KCNJ8: variants seen among roughly 807,000 people sequenced by gnomAD.
KCNJ8 encodes the protein potassium inwardly rectifying channel subfamily J member 8, also known as ATP-sensitive inward rectifier potassium channel 8.
KCNJ8 carries 13 observed loss-of-function variants against 28.2 expected under a neutral mutation model. The observed-to-expected ratio is 0.46, with a 90% confidence interval of 0.30 to 0.73. KCNJ8 has a LOEUF of 0.73. Ranked by LOEUF, KCNJ8 falls within the 30% of genes least tolerant of loss-of-function variation. The pLI, the probability that KCNJ8 is intolerant of heterozygous loss-of-function variation, is 0.07. For missense variants in KCNJ8, 284 were observed against 542.6 expected (o/e 0.52, Z 4.73); for synonymous variants, 188 against 195.9 (o/e 0.96, Z 0.34).
rs1336060963 is a variant in KCNJ8, at chr12:21,765,820, C to T, written c.1178G>A (p.Arg393Lys). Residue 393 changes from arginine (R) to lysine (K), a missense_variant, in exon 3 of 3, where the codon AGG becomes AAG. Around this residue, in one of 8 missense-constraint regions of KCNJ8, gnomAD observed 50 missense variants for 55.9 expected, o/e 0.90. Coordinates refer to ENST00000240662, the MANE Select transcript of KCNJ8 (RefSeq NM_004982.4). ...RNSMRRNNSM[R>K]RNNSIRRNNS... Reference sequence around the variant, plus strand: ...GTTCCTTCGGATAGAATTGTTCCTCCTCATGGAATTGTTTCTTCTCATGGA... The same window carrying T: ...GTTCCTTCGGATAGAATTGTTCCTCTTCATGGAATTGTTTCTTCTCATGGA... The T allele has an allele frequency of 1.2e-6, 2 of 1,613,908 alleles. No individual in the cohort carries two copies. Among genetic ancestry groups the T allele is most frequent in the Non-Finnish European group, 1.7e-6 (2 of 1,179,934 alleles).
intron 1 of KCNJ8, among the ~76,000 whole-genome samples, chr12:21,774,138 T>G (rs1940832025): frequency 6.6e-6 from 1 of 152,184 alleles, no homozygotes; most frequent in South Asian, 2.1e-4. Flanking sequence ...TCCTCCGTTA[T>G]TTTTAGAAGT....
chr12:21,771,292 T>C (rs1940749370), intron 2 of KCNJ8, among the ~76,000 whole-genome samples: 1 of 152,188 alleles, frequency 6.6e-6, no homozygotes, highest in South Asian at 2.1e-4. Flanking sequence ...ATTCTAAATA[T>C]TACATATGGT....
At position 21,773,216 on chromosome 12, in the gene KCNJ8, C is replaced by A. The variant is rs1477927935; in HGVS notation, c.374+27G>T. The A allele has an allele frequency of 1.2e-6, 2 of 1,610,874 alleles. No individual in the cohort carries two copies. The highest frequency in any genetic ancestry group is 1.3e-5 in the African/African-American group (1 of 75,014). On this transcript the variant is annotated intron_variant, in intron 2 of 2. Coordinates refer to ENST00000240662, the MANE Select transcript of KCNJ8 (RefSeq NM_004982.4). This position sits in a 1 kb window ranked among gnomAD's most constrained non-coding sequence, Gnocchi z 4.6. ...ACATTTTTTCTCTACTGTTTTCAAC[C>A]CCTGCCTCATCCCACTACATTCTTA...
rs527967608 is a variant in KCNJ8 at position 21,765,360 on chromosome 12, G to A, written c.*363C>T. 4.3e-4 allele frequency: 147 copies of A among 343,554 alleles called. No homozygotes were observed. The highest frequency in any genetic ancestry group is 9.1e-4 in the Admixed American group (21 of 23,048). The allele number at this position is 343,554 out of a possible 1,614,324, so 21.3% of individuals were successfully genotyped here. A position where few individuals can be genotyped will look rare whatever the true frequency, so the allele number is the denominator to read the frequency against. On this transcript the variant is annotated 3_prime_UTR_variant, in exon 3 of 3. Transcript: ENST00000240662. ...GATCATTAGTAACACAGCGATCTGG[G>A]TTTCACCAACTAAGCATTTCAAACA...
intron 1 of KCNJ8, among the ~76,000 whole-genome samples, chr12:21,774,274 C>T (rs1940834578): frequency 6.7e-6 from 1 of 149,880 alleles, no homozygotes; most frequent in Admixed American, 6.7e-5. Flanking sequence ...GTATGAGTTG[C>T]ATCTAAAAAG....
rs753656813 is a variant in KCNJ8 at position 21,766,639 on chromosome 12, T to C, written c.375-16A>G. ...AGTGAAAGACCTGTGAGGAATGATA[T>C]CAGAAAAGAACACCATCAGGTCACA... On this transcript the variant is annotated splice_polypyrimidine_tract_variant and intron_variant, in intron 2 of 2. Coordinates refer to ENST00000240662, the MANE Select transcript of KCNJ8 (RefSeq NM_004982.4). The surrounding 1 kb of genome is among the most constrained non-coding windows in gnomAD (Gnocchi z 6.5). 1.3e-6 allele frequency: 2 copies of C among 1,586,396 alleles called. No individual in the cohort carries two copies. Among genetic ancestry groups the C allele is most frequent in the Admixed American group, 1.7e-5 (1 of 59,902 alleles).
intron 2 of KCNJ8, among the ~76,000 whole-genome samples, chr12:21,767,319 C>A (rs946101776): frequency 5.0e-5 from 6 of 120,646 alleles, no homozygotes; most frequent in East Asian, 2.3e-4. Flanking sequence ...CCCCCCCCCC[C>A]CCCACCTCCA....
rs1940816689 is a variant in KCNJ8 at position 21,773,721 on chromosome 12, ACCC to A, written c.-70-38_-70-36del. The A allele has an allele frequency of 2.6e-6, 4 of 1,513,986 alleles. No homozygotes were observed. The highest frequency in any genetic ancestry group is 3.6e-6 in the Non-Finnish European group (4 of 1,104,984). The allele number at this position is 1,513,986 out of a possible 1,614,324, so 93.8% of individuals were successfully genotyped here. On this transcript the variant is annotated intron_variant, in intron 1 of 2. Transcript: ENST00000240662. This position sits in a 1 kb window ranked among gnomAD's most constrained non-coding sequence, Gnocchi z 4.6. ...GGAAACATTTATTAAAAACTTAAAA[ACCC>A]ACCCTATCCTCACCTCTTGGGTCCT... is the stretch of plus-strand genomic sequence containing the variant.
At chr12:21,770,599 T>C (rs2137050058) in intron 2 of KCNJ8, among the ~76,000 whole-genome samples, 1 of 152,338 alleles carries the variant, frequency 6.6e-6, no homozygotes, top group East Asian at 1.9e-4. Flanking sequence ...CTACTCCCTA[T>C]CTTAGTGAAT....
Position 21,773,580 on chromosome 12 carries a change from C to A in KCNJ8, c.37G>T (p.Val13Leu), listed in dbSNP as rs1222706161. ...TTCTCTGCGGCGATGCGCGCCAGCA[C>A]ATACTCCTCCGGGATGATACTCTTT... ...ARKSIIPEEY[V>L]LARIAAENLR... The change falls in exon 2 of 3, where the codon GTG becomes TTG. Residue 13 changes from valine to leucine, a missense_variant. By Grantham distance (32) the Val-to-Leu change is conservative. Coordinates refer to ENST00000240662, the MANE Select transcript of KCNJ8 (RefSeq NM_004982.4). The surrounding 1 kb of genome is among the most constrained non-coding windows in gnomAD (Gnocchi z 4.6). 6.2e-7 allele frequency: 1 copy of A among 1,613,828 alleles called. No homozygotes were observed. Among genetic ancestry groups the A allele is most frequent in the East Asian group, 2.2e-5 (1 of 44,896 alleles).
chr12:21,766,515 G>C lies in KCNJ8; in HGVS notation c.483C>G (p.Leu161=). Residue 161 remains leucine (L), a synonymous_variant, in exon 3 of 3, where the codon CTC becomes CTG. Transcript: ENST00000240662. This position sits in a 1 kb window ranked among gnomAD's most constrained non-coding sequence, Gnocchi z 6.5. ...ECPLAITVLI[L]QNIVGLIINA... ...TGATGATCAAACCCACAATATTCTG[G>C]AGAATCAAAACCGTGATGGCCAAAG... 2 of 1,613,436 alleles carry C rather than the reference G, an allele frequency of 1.2e-6. No homozygotes were observed. Among genetic ancestry groups the C allele is most frequent in the South Asian group, 1.1e-5 (1 of 91,072 alleles).
Position 21,766,412 on chromosome 12 carries a change from G to A in KCNJ8, c.586C>T (p.His196Tyr), listed in dbSNP as rs866860771. 1 of 1,614,116 alleles carries A rather than the reference G, an allele frequency of 6.2e-7. No homozygotes were observed. Residue 196 changes from histidine (H) to tyrosine (Y), a missense_variant, in exon 3 of 3, where the codon CAT becomes TAT. By Grantham distance (83) the His-to-Tyr change is moderately conservative (BLOSUM62 2). Coordinates refer to ENST00000240662, the MANE Select transcript of KCNJ8 (RefSeq NM_004982.4). This position sits in a 1 kb window ranked among gnomAD's most constrained non-coding sequence, Gnocchi z 6.5. ...CCATTTCGGACGGCAATCACAGCATGGCGGCTGAAAATCAAAGTTTCTGCC... is the reference window on the plus strand; with the variant it reads ...CCATTTCGGACGGCAATCACAGCATAGCGGCTGAAAATCAAAGTTTCTGCC... ...RRAETLIFSR[H>Y]AVIAVRNGKL...
chr12:21,768,047 G>T (rs953941312), intron 2 of KCNJ8, among the ~76,000 whole-genome samples: 5 of 151,972 alleles, frequency 3.3e-5, no homozygotes, highest in African/African-American at 7.2e-5. Context: ...AATACTGGGG[G>T]GTGTGTGTGG....
chr12:21,768,504 A>G (rs1334511696), intron 2 of KCNJ8, among the ~76,000 whole-genome samples: 1 of 152,248 alleles, frequency 6.6e-6, no homozygotes, highest in African/African-American at 2.4e-5. Flanking sequence ...AAAGAACACT[A>G]AGTGTTCGAG....
rs56207227 is a variant in KCNJ8, at chr12:21,768,205, C to T, written c.375-1582G>A. ...GAATCTAATGCCCCCACTGATGTGA[C>T]AGGAGGCAGAGCTCAGGAGGTAATG... On this transcript the variant is annotated intron_variant, in intron 2 of 2. Coordinates refer to ENST00000240662, the MANE Select transcript of KCNJ8 (RefSeq NM_004982.4). Among the ~76,000 whole-genome samples, 584 of 152,276 alleles carry T rather than the reference C, an allele frequency of 3.8e-3. 1 individual carries two copies. The highest frequency in any genetic ancestry group is 7.0e-3 in the Non-Finnish European group (475 of 68,008).
intron 2 of KCNJ8, among the ~76,000 whole-genome samples, chr12:21,767,116 A>G (rs947958290): frequency 6.6e-6 from 1 of 152,176 alleles, no homozygotes; most frequent in Non-Finnish European, 1.5e-5. Flanking sequence ...TTTATTATTT[A>G]TAATCTTTAA....
chr12:21,765,913 G>A lies in KCNJ8; in HGVS notation c.1085C>T (p.Pro362Leu). ...RCSARELDEK[P>L]SILIQTLQKS... ...TTGGAGGGTCTGAATAAGGATGGAA[G>A]GTTTCTCATCCAGCTCTCGGGCACT... The change falls in exon 3 of 3, where the codon CCT (proline) becomes CTT (leucine). Residue 362 changes from proline to leucine, a missense_variant. This residue lies in a region of KCNJ8 where 107 missense variants were observed against 235.6 expected (regional missense o/e 0.45). Transcript: ENST00000240662. The A allele has an allele frequency of 6.2e-7, 1 of 1,614,118 alleles. No individual in the cohort carries two copies. Among genetic ancestry groups the A allele is most frequent in the Non-Finnish European group, 8.5e-7 (1 of 1,179,968 alleles).
In KCNJ8 at chr12:21,773,518, T is replaced by C. The variant is rs1940809173; in HGVS notation, c.99A>G (p.Lys33=). ...CCCCGCTCTTGGCGATGAAGCGGGC[T>C]TTGGGGAGGCGGTCTCGGATGCGCG... ...RKPRIRDRLP[K]ARFIAKSGAC... The change falls in exon 2 of 3, where the codon AAA becomes AAG. Residue 33 remains lysine, a synonymous_variant. Coordinates refer to ENST00000240662, the MANE Select transcript of KCNJ8 (RefSeq NM_004982.4). The surrounding 1 kb of genome is among the most constrained non-coding windows in gnomAD (Gnocchi z 4.6). The C allele has an allele frequency of 6.2e-7, 1 of 1,614,114 alleles. No individual in the cohort carries two copies. The highest frequency in any genetic ancestry group is 1.1e-5 in the South Asian group (1 of 91,088).
At chr12:21,772,051 G>A (rs1940769700) in intron 2 of KCNJ8, among the ~76,000 whole-genome samples, 1 of 152,174 alleles carries the variant, frequency 6.6e-6, no homozygotes, top group African/African-American at 2.4e-5. Context: ...AATCTGTGGT[G>A]TGTGATCTCT....
Sources: allele counts gnomAD v4.1 joint callset (sites outside exome capture counted in the v4.1 genomes callset), GRCh38; gene constraint gnomAD v4.1.1; regional missense constraint gnomAD v4.1.1; non-coding constraint Gnocchi (gnomAD v3.1); transcripts MANE v1.5; gene names NCBI Gene and HGNC (gene_info 2026-07-23, HGNC 2026-07-21).